MTHFD1L: variants seen among roughly 807,000 people sequenced by gnomAD.
The protein encoded by MTHFD1L is monofunctional C1-tetrahydrofolate synthase, mitochondrial.
MTHFD1L carries 81 observed loss-of-function variants against 119.5 expected under a neutral mutation model. That is an observed-to-expected ratio of 0.68 (90% CI 0.57 to 0.82). The LOEUF (loss-of-function observed/expected upper bound fraction) is 0.82. MTHFD1L is among the 40% of genes least tolerant of loss of function. The pLI is 0.00. For missense variants in MTHFD1L, 1,125 were observed against 1,253.4 expected, an observed-to-expected ratio of 0.90 and a Z score of 1.55; for synonymous variants, 430 against 475.2, an observed-to-expected ratio of 0.90 and a Z score of 1.24.
At chr6:150,961,250 C>T (rs1227777894) in intron 18 of MTHFD1L, among the ~76,000 whole-genome samples, 5 of 152,116 alleles carry the variant, frequency 3.3e-5, no homozygotes, top group African/African-American at 1.2e-4. Flanking sequence ...CACGCCACCA[C>T]GCCCAGTTAA....
intron 16 of MTHFD1L, 46 bp from the exon 17 acceptor site, chr6:150,955,949 G>C (rs758178891): frequency 1.3e-6 from 2 of 1,492,750 alleles, no homozygotes; most frequent in Non-Finnish European, 1.9e-6. Context: ...ACACCAGGTG[G>C]CTGGTCCATA....
At chr6:150,921,470 T>A (rs1788930491) in intron 9 of MTHFD1L, among the ~76,000 whole-genome samples, 1 of 152,182 alleles carries the variant, frequency 6.6e-6, no homozygotes, top group Non-Finnish European at 1.5e-5. Context: ...CAGGCTGGTC[T>A]TGAATTCCTG....
intron 26 of MTHFD1L, among the ~76,000 whole-genome samples, chr6:151,062,233 G>A (rs866346432): frequency 2.0e-5 from 3 of 152,112 alleles, no homozygotes; most frequent in Non-Finnish European, 4.4e-5. Context: ...TCAGGAGATC[G>A]AGACCATTCT....
chr6:150,884,200 G>T (rs1781838719), intron 5 of MTHFD1L, among the ~76,000 whole-genome samples: 1 of 148,798 alleles, frequency 6.7e-6, no homozygotes, highest in East Asian at 2.0e-4. Flanking sequence ...GGAGTGCAGT[G>T]ACACGATCTC....
In MTHFD1L at chr6:150,926,278, A is replaced by C. The variant is rs1297649071; in HGVS notation, c.1239A>C (p.Lys413Asn). ...GGTTAAAGGATCAAGCAGATGGAAAATACGTCTTAGTTGCTGGGTAAGACA... is the reference window on the plus strand; with the variant it reads ...GGTTAAAGGATCAAGCAGATGGAAACTACGTCTTAGTTGCTGGGTAAGACA... ...LERLKDQADG[K>N]YVLVAGITPT... The change falls in exon 11 of 28, where the codon AAA (lysine) becomes AAC (asparagine). Residue 413 changes from lysine (K) to asparagine (N), a missense_variant. Around this residue, in one of 3 missense-constraint regions of MTHFD1L, gnomAD observed 1,058 missense variants for 1,151.2 expected, o/e 0.92. Coordinates refer to ENST00000367321, the MANE Select transcript of MTHFD1L (RefSeq NM_015440.5). The surrounding 1 kb of genome is among the most constrained non-coding windows in gnomAD (Gnocchi z 4.3). 6.2e-7 allele frequency: 1 copy of C among 1,612,004 alleles called. No individual in the cohort carries two copies. Among genetic ancestry groups the C allele is most frequent in the African/African-American group, 1.3e-5 (1 of 74,894 alleles).
chr6:150,962,546 T>G (rs930594855), intron 18 of MTHFD1L, among the ~76,000 whole-genome samples: 1 of 152,224 alleles, frequency 6.6e-6, no homozygotes, highest in African/African-American at 2.4e-5. Flanking sequence ...TTCTGCCACA[T>G]GCATGATTCT....
rs558999099 is a variant in MTHFD1L at position 151,080,061 on chromosome 6, C to T, written c.2848-12406C>T. ...GCGTGGTAGTGCACATCCATAAATC[C>T]CAGCCACTCGGGAGGCTGAGGCAGG... On this transcript the variant is annotated intron_variant, in intron 26 of 27. Transcript: ENST00000367321. Among the ~76,000 whole-genome samples the T allele has an allele frequency of 1.3e-4, 19 of 151,746 alleles. No homozygotes were observed. The South Asian group carries it at 3.8e-3, about 30-fold the overall frequency.
rs1372896416 is a variant in MTHFD1L at position 150,926,623 on chromosome 6, A to G, written c.1256+328A>G. On this transcript the variant is annotated intron_variant, in intron 11 of 27. Coordinates refer to ENST00000367321, the MANE Select transcript of MTHFD1L (RefSeq NM_015440.5). This position sits in a 1 kb window ranked among gnomAD's most constrained non-coding sequence, Gnocchi z 4.3. ...TCAAAATAGGAATTGAAAGTAAACT[A>G]TTTTGAACTGAGCAGTTTGTTTTGT... Among the ~76,000 whole-genome samples, 2 of 152,220 alleles carry G rather than the reference A, an allele frequency of 1.3e-5. No homozygotes were observed. The highest frequency in any genetic ancestry group is 2.9e-5 in the Non-Finnish European group (2 of 68,036).
At chr6:150,913,288 G>T (rs1450380285) in intron 8 of MTHFD1L, among the ~76,000 whole-genome samples, 1 of 151,778 alleles carries the variant, frequency 6.6e-6, no homozygotes, top group Non-Finnish European at 1.5e-5. Flanking sequence ...AGCCTCCCGA[G>T]TATCTGGGAC....
At chr6:150,937,709 T>A (rs1792343851) in intron 12 of MTHFD1L, among the ~76,000 whole-genome samples, 1 of 152,156 alleles carries the variant, frequency 6.6e-6, no homozygotes, top group South Asian at 2.1e-4. Flanking sequence ...CATGTGACCC[T>A]TGGCCACTTG....
In MTHFD1L at chr6:151,012,537, A is replaced by G. The variant is rs371033603; in HGVS notation, c.2266-1242A>G. On this transcript the variant is annotated intron_variant, in intron 21 of 27. Coordinates refer to ENST00000367321, the MANE Select transcript of MTHFD1L (RefSeq NM_015440.5). ...TGGCCCTTGAATTTGCCCATTTTAA[A>G]TTTGCCCTCAGTCATTTTAAACTCA... 4.1e-4 allele frequency among the ~76,000 whole-genome samples: 62 copies of G among 151,892 alleles called. No homozygotes were observed. The East Asian group carries it at 0.012, about 29-fold the overall frequency.
chr6:151,056,295 A>C (rs116972452), intron 26 of MTHFD1L, among the ~76,000 whole-genome samples: 4,906 of 151,868 alleles, frequency 0.032, 156 homozygotes, highest in Admixed American at 0.099. Flanking sequence ...TGATTTGGGT[A>C]CACAGTTTCA....
At chr6:151,015,786 C>T (rs981414071) in intron 24 of MTHFD1L, 93 bp downstream of exon 24, 1 of 1,453,814 alleles carries the variant, frequency 6.9e-7, no homozygotes. Flanking sequence ...GATAAGAAAA[C>T]TAAAGATAGA....
Position 151,009,816 on chromosome 6 carries a change from C to T in MTHFD1L, c.2126-3C>T, listed in dbSNP as rs536994468. ...AGCACATATTCCACTTGCTTCCCCA[C>T]AGTGACCGAAGCTGGCTTTGGTGCT... On this transcript the variant is annotated splice_region_variant and splice_polypyrimidine_tract_variant and intron_variant, in intron 20 of 27. Coordinates refer to ENST00000367321, the MANE Select transcript of MTHFD1L (RefSeq NM_015440.5). 24 of 1,613,648 alleles carry T rather than the reference C, an allele frequency of 1.5e-5. No individual in the cohort carries two copies. The highest frequency in any genetic ancestry group is 1.7e-4 in the Middle Eastern group (1 of 6,044).
At chr6:151,071,043 A>C (rs372454552) in intron 26 of MTHFD1L, among the ~76,000 whole-genome samples, 2 of 152,344 alleles carry the variant, frequency 1.3e-5, no homozygotes, top group South Asian at 2.1e-4. Flanking sequence ...CCAGTTCCAG[A>C]TCACTTTGCG....
chr6:150,966,903 T>C (rs1389930770), intron 19 of MTHFD1L, among the ~76,000 whole-genome samples: 5 of 152,168 alleles, frequency 3.3e-5, no homozygotes, highest in African/African-American at 1.2e-4. Context: ...AGGTGTCCCC[T>C]GAGCTGAGGA....
intron 17 of MTHFD1L, among the ~76,000 whole-genome samples, chr6:150,956,506 A>G (rs968485782): frequency 6.6e-6 from 1 of 152,216 alleles, no homozygotes; most frequent in African/African-American, 2.4e-5. Context: ...TTAAAGGATA[A>G]TGGCTTATTA....
At chr6:150,884,392 G>A (rs568214578) in intron 5 of MTHFD1L, among the ~76,000 whole-genome samples, 3 of 151,920 alleles carry the variant, frequency 2.0e-5, no homozygotes, top group East Asian at 2.0e-4. Flanking sequence ...CGCCTGCCTC[G>A]GCCTCCCAAA....
chr6:150,965,003 A>G lies in MTHFD1L; in HGVS notation c.1979A>G (p.Asp660Gly), dbSNP rs1002236056. ...VTGALTVLMK[D>G]AIKPNLMQTL... The stretch of plus-strand genomic sequence containing the variant: ...GGTGCTTTGACAGTTTTGATGAAAG[A>G]TGCAATAAAACCAAACCTGATGCAG... The change falls in exon 19 of 28, where the codon GAT (aspartate) becomes GGT (glycine). Residue 660 changes from aspartate to glycine, a missense_variant. By Grantham distance (94) the Asp-to-Gly change is moderately conservative (BLOSUM62 -1). Around this residue, in one of 3 missense-constraint regions of MTHFD1L, gnomAD observed 1,058 missense variants for 1,151.2 expected, o/e 0.92. Transcript: ENST00000367321. 2 of 1,614,000 alleles carry G rather than the reference A, an allele frequency of 1.2e-6. No homozygotes were observed. The highest frequency in any genetic ancestry group is 8.5e-7 in the Non-Finnish European group (1 of 1,179,976).
Sources: allele counts gnomAD v4.1 joint callset (sites outside exome capture counted in the v4.1 genomes callset), GRCh38; gene constraint gnomAD v4.1.1; regional missense constraint gnomAD v4.1.1; non-coding constraint Gnocchi (gnomAD v3.1); transcripts MANE v1.5; gene names NCBI Gene and HGNC (gene_info 2026-07-23, HGNC 2026-07-21).